The following GALNT13 variants were observed in gnomAD, a reference collection of about 807,000 sequenced individuals.
GALNT13 encodes UDP-GalNAc:polypeptide N-acetylgalactosaminyltransferase 13.
A neutral mutation model predicts 64.2 loss-of-function variants in GALNT13; 28 were observed. The ratio of observed to expected loss-of-function variants is 0.44; its 90% CI spans 0.32 to 0.60. GALNT13 has a LOEUF of 0.60. GALNT13 is among the 20% of genes least tolerant of loss of function. The pLI, the probability that GALNT13 is intolerant of heterozygous loss-of-function variation, is 0.05. For missense variants in GALNT13, 577 were observed against 669.8 expected, an observed-to-expected ratio of 0.86 and a Z score of 1.53; for synonymous variants, 214 against 224.6, an observed-to-expected ratio of 0.95 and a Z score of 0.42.
chr2:153,301,309 C>CAAAAAAAAAAAAAA, the GALNT13 span, among the ~76,000 whole-genome samples: 18,602 of 73,378 alleles, frequency 0.25, 3,693 homozygotes, highest in African/African-American at 0.48. Context: ...GACTCCTTCT[C>CAAAAAAAAAAAAAA]AAAAAAAAAG....
At chr2:153,370,457 A>G in the GALNT13 span, among the ~76,000 whole-genome samples, 1 of 152,216 alleles carries the variant, frequency 6.6e-6, no homozygotes, top group African/African-American at 2.4e-5. Flanking sequence ...TATACAAAAA[A>G]TAACATATCA....
chr2:153,744,925 A>G, the GALNT13 span, among the ~76,000 whole-genome samples: 2 of 152,118 alleles, frequency 1.3e-5, no homozygotes, highest in Non-Finnish European at 1.5e-5. Context: ...CCAGGTAGGG[A>G]CACGAAGGCC....
At chr2:154,018,705 C>A (rs10211619) in intron 3 of GALNT13, among the ~76,000 whole-genome samples, 114,642 of 149,198 alleles carry the variant, frequency 0.77, 44,280 homozygotes, top group East Asian at 0.96. Context: ...AATGGTGGAA[C>A]GGGTGAGGGG....
At chr2:153,142,007 G>A in the GALNT13 span, among the ~76,000 whole-genome samples, 1 of 151,988 alleles carries the variant, frequency 6.6e-6, no homozygotes, top group African/African-American at 2.4e-5. Context: ...AATAATAAAG[G>A]CTACTGTGGT....
the GALNT13 span, among the ~76,000 whole-genome samples, chr2:153,769,275 G>A: frequency 7.4e-4 from 113 of 152,226 alleles, no homozygotes; most frequent in Non-Finnish European, 1.1e-3. Flanking sequence ...AGCCAGTCAA[G>A]TAGTGACAAA....
At chr2:154,395,838 G>A (rs911117711) in intron 9 of GALNT13, among the ~76,000 whole-genome samples, 153 bp from the exon 10 acceptor site, 3 of 152,074 alleles carry the variant, frequency 2.0e-5, no homozygotes, top group Non-Finnish European at 4.4e-5. Flanking sequence ...GTACTAATTC[G>A]ATGGTAGTAA....
At chr2:153,596,119 C>T in the GALNT13 span, among the ~76,000 whole-genome samples, 1 of 152,172 alleles carries the variant, frequency 6.6e-6, no homozygotes. Flanking sequence ...GGAAGCCTAG[C>T]TGTGGCTAAC....
chr2:153,884,527 T>G (rs1345766228), intron 1 of GALNT13, among the ~76,000 whole-genome samples: 2 of 151,760 alleles, frequency 1.3e-5, no homozygotes, highest in Non-Finnish European at 2.9e-5. Flanking sequence ...TAATTCCCTA[T>G]AGTACTACAT....
At chr2:153,880,956 A>T (rs1171924664) in intron 1 of GALNT13, among the ~76,000 whole-genome samples, 1 of 151,842 alleles carries the variant, frequency 6.6e-6, no homozygotes, top group Non-Finnish European at 1.5e-5. Flanking sequence ...GATTCTGGTA[A>T]AACAAAACAA....
At chr2:154,419,667 T>C (rs1700168019) in intron 11 of GALNT13, among the ~76,000 whole-genome samples, 1 of 152,124 alleles carries the variant, frequency 6.6e-6, no homozygotes, top group Non-Finnish European at 1.5e-5. Context: ...ATTCCTTGTG[T>C]CCATAATATT....
intron 8 of GALNT13, among the ~76,000 whole-genome samples, chr2:154,270,433 C>G (rs78481907): frequency 6.6e-6 from 1 of 151,522 alleles, no homozygotes; most frequent in Non-Finnish European, 1.5e-5. Flanking sequence ...TTGAGGTGGT[C>G]GGTACCACCC....
the GALNT13 span, among the ~76,000 whole-genome samples, chr2:153,835,767 A>G: frequency 6.6e-6 from 1 of 152,090 alleles, no homozygotes; most frequent in Non-Finnish European, 1.5e-5. Flanking sequence ...TACTTTAAAT[A>G]TATGTTTCAA....
chr2:153,372,601 G>A, the GALNT13 span, among the ~76,000 whole-genome samples: 12 of 151,546 alleles, frequency 7.9e-5, no homozygotes, highest in African/African-American at 1.7e-4. Flanking sequence ...AGCCGAGATC[G>A]TGCCACTGCA....
At chr2:153,726,962 A>AC in the GALNT13 span, among the ~76,000 whole-genome samples, 1 of 151,782 alleles carries the variant, frequency 6.6e-6, no homozygotes, top group African/African-American at 2.4e-5. Context: ...AAAAACAAAA[A>AC]AAAAACCACA....
intron 10 of GALNT13, 93 bp from the exon 11 acceptor site, chr2:154,408,891 G>T (rs1208658155): frequency 1.3e-6 from 1 of 760,854 alleles, no homozygotes; most frequent in Non-Finnish European, 2.3e-6. Context: ...GTATTATTCA[G>T]TTAACAATAG....
intron 3 of GALNT13, among the ~76,000 whole-genome samples, chr2:154,054,191 G>A (rs1419997231): frequency 6.6e-6 from 1 of 151,826 alleles, no homozygotes; most frequent in Non-Finnish European, 1.5e-5. Context: ...TTTTCATATA[G>A]GATTGTTTCA....
the GALNT13 span, among the ~76,000 whole-genome samples, chr2:153,554,692 G>A: frequency 9.9e-5 from 15 of 151,516 alleles, no homozygotes; most frequent in Middle Eastern, 3.4e-3. Context: ...GTCTGTGTAC[G>A]CGCACATAAG....
the GALNT13 span, among the ~76,000 whole-genome samples, chr2:153,581,994 T>C: frequency 1.3e-5 from 2 of 152,128 alleles, no homozygotes; most frequent in Non-Finnish European, 1.5e-5. Flanking sequence ...TATACCTTCT[T>C]TTCAACCATC....
chr2:153,927,181 A>G (rs1047322905), intron 2 of GALNT13, among the ~76,000 whole-genome samples: 1 of 152,056 alleles, frequency 6.6e-6, no homozygotes, highest in Non-Finnish European at 1.5e-5. Context: ...CTTTCCAAAA[A>G]TGTTTTTACC....
Sources: allele counts gnomAD v4.1 joint callset (sites outside exome capture counted in the v4.1 genomes callset), GRCh38; gene constraint gnomAD v4.1.1; transcripts MANE v1.5; gene names NCBI Gene and HGNC (gene_info 2026-07-23, HGNC 2026-07-21).